NBEAL2: variants seen among roughly 807,000 people sequenced by gnomAD.
The protein encoded by NBEAL2 is neurobeachin-like protein 2.
A neutral mutation model predicts 299.8 loss-of-function variants in NBEAL2; 160 were observed. The observed-to-expected ratio is 0.53, with a 90% CI of 0.47 to 0.61. The LOEUF (loss-of-function observed/expected upper bound fraction) is 0.61. Ranked by LOEUF, NBEAL2 falls within the 20% of genes least tolerant of loss-of-function variation. The pLI, the probability that NBEAL2 is intolerant of heterozygous loss-of-function variation, is 0.00. For synonymous variants in NBEAL2, 1,493 were observed against 1,542.3 expected (o/e 0.97, Z 0.75); for missense variants, 3,112 against 3,649.0 (o/e 0.85, Z 3.79).
chr3:46,998,655 T>G, intron 22 of NBEAL2, 62 bp from the exon 23 acceptor site: 1 of 1,554,378 alleles, frequency 6.4e-7, no homozygotes, highest in Non-Finnish European at 8.7e-7. Context: ...CTGACTCACC[T>G]GCCCACCCTC....
rs1019466579 is a variant in NBEAL2, at chr3:46,989,603, C to T, written c.556+10C>T. 7 of 1,575,094 alleles carry T rather than the reference C, an allele frequency of 4.4e-6. No homozygotes were observed. The highest frequency in any genetic ancestry group is 1.4e-5 in the African/African-American group (1 of 73,822). ...AGCGCCTTCTTCCAAGGTCAGGCCCCGCCCCTGCCCCCACTTGGCTCCACC... is the reference window on the plus strand; with the variant it reads ...AGCGCCTTCTTCCAAGGTCAGGCCCTGCCCCTGCCCCCACTTGGCTCCACC... On this transcript the variant is annotated intron_variant, in intron 6 of 53. Transcript: ENST00000450053. This position sits in a 1 kb window ranked among gnomAD's most constrained non-coding sequence, Gnocchi z 5.5.
At chr3:46,997,131 G>A (rs903882677) in intron 18 of NBEAL2, 85 bp downstream of exon 18, 16 of 1,554,840 alleles carry the variant, frequency 1.0e-5, no homozygotes, top group African/African-American at 4.1e-5. Flanking sequence ...GAGCAGCGCT[G>A]TGCCTGGGGA....
At chr3:46,996,686 G>A (rs1465862451) in intron 16 of NBEAL2, 65 bp from the exon 17 acceptor site, 3 of 1,566,306 alleles carry the variant, frequency 1.9e-6, no homozygotes, top group Non-Finnish European at 2.6e-6. Flanking sequence ...CTGTGGTCAG[G>A]CAGTCTCTGG....
At chr3:46,992,664 T>G in intron 10 of NBEAL2, 109 bp downstream of exon 10, 1 of 1,068,306 alleles carries the variant, frequency 9.4e-7, no homozygotes, top group Non-Finnish European at 1.4e-6. Context: ...CCTGGTGTGG[T>G]CTAGAAATGG....
chr3:46,989,114 G>A lies in NBEAL2; in HGVS notation c.299G>A (p.Gly100Asp), dbSNP rs374522449. ...RNLENIEAGR[G>D]QVLVPRVLAL... is the part of the protein sequence containing the mutation. ...CTGGAGAACATAGAGGCAGGCCGGG[G>A]CCAAGTGCTAGTGCCCCGAGTGCTG... Residue 100 changes from glycine (G) to aspartate (D), a missense_variant, in exon 4 of 54, where the codon GGC becomes GAC. Gly to Asp is a moderately conservative substitution (Grantham distance 94). This residue lies in a region of NBEAL2 where 2,243 missense variants were observed against 2,538.1 expected (regional missense o/e 0.88). Coordinates refer to ENST00000450053, the MANE Select transcript of NBEAL2 (RefSeq NM_015175.3). This position sits in a 1 kb window ranked among gnomAD's most constrained non-coding sequence, Gnocchi z 5.5. The A allele has an allele frequency of 2.7e-5, 43 of 1,613,696 alleles. No homozygotes were observed. The African/African-American group carries it at 4.7e-4, about 18-fold the overall frequency.
chr3:46,988,140 C>A lies in NBEAL2; in HGVS notation c.52-529C>A. 9.4e-7 allele frequency: 1 copy of A among 1,067,620 alleles called. No homozygotes were observed. The highest frequency in any genetic ancestry group is 1.2e-6 in the Non-Finnish European group (1 of 836,138). 66.1% of individuals were successfully genotyped at this position (1,067,620 alleles called of 1,614,324 possible). On this transcript the variant is annotated intron_variant, in intron 1 of 53. Coordinates refer to ENST00000450053, the MANE Select transcript of NBEAL2 (RefSeq NM_015175.3). This position sits in a 1 kb window ranked among gnomAD's most constrained non-coding sequence, Gnocchi z 4.4. ...GCAGGGCCGCACATGAGGATGTGCGCATGTCTGGGTCTGCCTGTCTAATGG... is the reference window on the plus strand; with the variant it reads ...GCAGGGCCGCACATGAGGATGTGCGAATGTCTGGGTCTGCCTGTCTAATGG...
Position 46,989,023 on chromosome 3 carries a change from G to C in NBEAL2, c.269+53G>C. The C allele has an allele frequency of 2.5e-6, 4 of 1,611,836 alleles. No homozygotes were observed. In the East Asian group the frequency reaches 8.9e-5, roughly 36 times the overall value. On this transcript the variant is annotated intron_variant, in intron 3 of 53. Transcript: ENST00000450053. This position sits in a 1 kb window ranked among gnomAD's most constrained non-coding sequence, Gnocchi z 5.5. ...GGGGCCTAGAACTGTGGGCCAGAGG[G>C]AGAGGGGACAAGGAGGGGCATGGTG... is the stretch of plus-strand genomic sequence containing the variant.
At position 47,008,657 on chromosome 3, in the gene NBEAL2, C is replaced by T. The variant is rs1184388077; in HGVS notation, c.8016C>T (p.Leu2672=). ...LGTAQCALHI[L]QLNTLLPAAP... ...CCGCCCAGTGCGCCCTGCACATCCT[C>T]CAACTAAACACGTAAGCCCCCCATT... is the stretch of plus-strand genomic sequence containing the variant. The change falls in exon 52 of 54, where the codon CTC becomes CTT. Residue 2672 remains leucine, a synonymous_variant. Transcript: ENST00000450053. 1.9e-6 allele frequency: 3 copies of T among 1,613,174 alleles called. No individual in the cohort carries two copies. The highest frequency in any genetic ancestry group is 8.5e-7 in the Non-Finnish European group (1 of 1,179,882).
Position 47,004,825 on chromosome 3 carries a change from G to A in NBEAL2, c.6295-147G>A. ...AAGGAATCCTGTTCCAGGACACTCTGTCCTTCTCCCCTGTGACCCCTCTAA... is the reference window on the plus strand; with the variant it reads ...AAGGAATCCTGTTCCAGGACACTCTATCCTTCTCCCCTGTGACCCCTCTAA... On this transcript the variant is annotated intron_variant, in intron 38 of 53. Transcript: ENST00000450053. This position sits in a 1 kb window ranked among gnomAD's most constrained non-coding sequence, Gnocchi z 5.0. The A allele has an allele frequency of 7.9e-7, 1 of 1,258,050 alleles. No homozygotes were observed. Among genetic ancestry groups the A allele is most frequent in the South Asian group, 1.4e-5 (1 of 70,308 alleles). 77.9% of individuals were successfully genotyped at this position (1,258,050 alleles called of 1,614,324 possible).
At chr3:47,002,887 G>T in intron 33 of NBEAL2, 70 bp from the exon 34 acceptor site, 1 of 1,584,348 alleles carries the variant, frequency 6.3e-7, no homozygotes, top group Non-Finnish European at 8.6e-7. Flanking sequence ...CTGCCTTTGG[G>T]GTGAGGCCAG....
At chr3:46,992,341 C>A in intron 9 of NBEAL2, 134 bp from the exon 10 acceptor site, 1 of 829,210 alleles carries the variant, frequency 1.2e-6, no homozygotes, top group Non-Finnish European at 2.0e-6. Flanking sequence ...ACAGGGGGCT[C>A]AGCACCCTAC....
chr3:46,996,373 C>T lies in NBEAL2; in HGVS notation c.2254C>T (p.Pro752Ser). 1 of 1,612,378 alleles carries T rather than the reference C, an allele frequency of 6.2e-7. No homozygotes were observed. ...PVPATLAYTH[P>S]ALTRSQSVPA... Reference sequence around the variant, plus strand: ...CCCCGCCACCCTGGCCTACACTCACCCCGCCCTCACCCGCTCCCAGTCAGT... The same window carrying T: ...CCCCGCCACCCTGGCCTACACTCACTCCGCCCTCACCCGCTCCCAGTCAGT... The change falls in exon 16 of 54, where the codon CCC becomes TCC. Residue 752 changes from proline to serine, a missense_variant. By Grantham distance (74) the Pro-to-Ser change is moderately conservative. Coordinates refer to ENST00000450053, the MANE Select transcript of NBEAL2 (RefSeq NM_015175.3).
chr3:47,005,291 C>G lies in NBEAL2; in HGVS notation c.6530C>G (p.Thr2177Ser). 6.2e-7 allele frequency: 1 copy of G among 1,613,040 alleles called. No homozygotes were observed. Among genetic ancestry groups the G allele is most frequent in the South Asian group, 1.1e-5 (1 of 91,006 alleles). ...MHYLIRVEPF[T>S]SLHVQLQSGR... ...TACCTCATCCGCGTGGAGCCCTTCACCTCCCTGCACGTCCAGCTGCAAAGT... is the reference window on the plus strand; with the variant it reads ...TACCTCATCCGCGTGGAGCCCTTCAGCTCCCTGCACGTCCAGCTGCAAAGT... Residue 2177 changes from threonine to serine, a missense_variant, in exon 40 of 54, where the codon ACC becomes AGC. By Grantham distance (58) the Thr-to-Ser change is moderately conservative. Around this residue, in one of 3 missense-constraint regions of NBEAL2, gnomAD observed 521 missense variants for 729.6 expected, o/e 0.71. Coordinates refer to ENST00000450053, the MANE Select transcript of NBEAL2 (RefSeq NM_015175.3).
Position 46,993,991 on chromosome 3 carries a change from T to A in NBEAL2, c.1168T>A (p.Cys390Ser). 1 of 1,611,908 alleles carries A rather than the reference T, an allele frequency of 6.2e-7. No individual in the cohort carries two copies. The highest frequency in any genetic ancestry group is 8.5e-7 in the Non-Finnish European group (1 of 1,179,286). Reference protein sequence around the residue: ...IAVHVVRVLTCIMSDSPSAKE... With the variant: ...IAVHVVRVLTSIMSDSPSAKE... The stretch of plus-strand genomic sequence containing the variant: ...AGTCCATGTAGTCAGAGTGCTGACC[T>A]GCATCATGAGTGACTCCCCCTCGGC... The change falls in exon 11 of 54, where the codon TGC becomes AGC. Residue 390 changes from cysteine (C) to serine (S), a missense_variant. Cys to Ser is a moderately radical substitution (Grantham distance 112, BLOSUM62 -1). Transcript: ENST00000450053.
rs374744218 is a variant in NBEAL2 at position 47,000,005 on chromosome 3, C to G, written c.3906C>G (p.Pro1302=). ...YVLEAATAGS[P]PPSSPESPTS... is the part of the protein sequence containing the mutation. ...TGGAGGCTGCCACAGCCGGCAGCCCCCCTCCGTCTTCCCCAGAGTCACCTA... is the reference window on the plus strand; with the variant it reads ...TGGAGGCTGCCACAGCCGGCAGCCCGCCTCCGTCTTCCCCAGAGTCACCTA... The change falls in exon 27 of 54, where the codon CCC becomes CCG. Residue 1302 remains proline (P), a synonymous_variant. Transcript: ENST00000450053. The surrounding 1 kb of genome is among the most constrained non-coding windows in gnomAD (Gnocchi z 4.5). 54 of 1,612,406 alleles carry G rather than the reference C, an allele frequency of 3.3e-5. No individual in the cohort carries two copies. The highest frequency in any genetic ancestry group is 4.5e-5 in the Non-Finnish European group (53 of 1,179,846).
Position 47,007,703 on chromosome 3 carries a change from A to G in NBEAL2, c.7507+6A>G, listed in dbSNP as rs74418680. 0.028 allele frequency: 45,492 copies of G among 1,608,668 alleles called. 2,046 individuals are homozygous for G. Among genetic ancestry groups the G allele is most frequent in the Admixed American group, 0.18 (10,900 of 59,064 alleles). On this transcript the variant is annotated splice_donor_region_variant and intron_variant, in intron 48 of 53. Transcript: ENST00000450053. ...CCAGCTCAGCTGCCACCTTGGTATG[A>G]ACAGCCTTGGAGCTGGGGAGAATGA... is the stretch of plus-strand genomic sequence containing the variant.
Position 47,002,633 on chromosome 3 carries a change from C to T in NBEAL2, c.5302-12C>T, listed in dbSNP as rs757602887. On this transcript the variant is annotated splice_polypyrimidine_tract_variant and intron_variant, in intron 32 of 53. Transcript: ENST00000450053. ...CAGCAGCCAGGGGACTGACCTATTACCCCCACCCCAGGAGCTGGTGCTGGA... is the reference window on the plus strand; with the variant it reads ...CAGCAGCCAGGGGACTGACCTATTATCCCCACCCCAGGAGCTGGTGCTGGA... 31 of 1,607,760 alleles carry T rather than the reference C, an allele frequency of 1.9e-5. No homozygotes were observed. The highest frequency in any genetic ancestry group is 2.6e-5 in the Non-Finnish European group (31 of 1,177,980).
At position 47,007,110 on chromosome 3, in the gene NBEAL2, C is replaced by T. The variant is rs1340393289; in HGVS notation, c.7179C>T (p.His2393=). ...CCCTGGTGCTAGCCCTGGTCCCCCACCGGCAGCCCCACTCCTTCATCACCC... is the reference window on the plus strand; with the variant it reads ...CCCTGGTGCTAGCCCTGGTCCCCCATCGGCAGCCCCACTCCTTCATCACCC... ...GVPLVLALVP[H]RQPHSFITQG... The change falls in exon 46 of 54, where the codon CAC becomes CAT. Residue 2393 remains histidine (H), a synonymous_variant. Transcript: ENST00000450053. 7 of 1,613,656 alleles carry T rather than the reference C, an allele frequency of 4.3e-6. No individual in the cohort carries two copies. The South Asian group carries it at 7.7e-5, about 18-fold the overall frequency.
Position 46,998,899 on chromosome 3 carries a change from G to A in NBEAL2, c.3384+20G>A. On this transcript the variant is annotated intron_variant, in intron 23 of 53. Transcript: ENST00000450053. ...GGTCAGGTAGGCTGGAGGTTGGGGA[G>A]CGGGAGGCTTGGGTGAGGGGAGTGG... 3.8e-6 allele frequency: 6 copies of A among 1,596,950 alleles called. No homozygotes were observed. Among genetic ancestry groups the A allele is most frequent in the East Asian group, 4.5e-5 (2 of 44,178 alleles).
Sources: gnomAD v4.1 joint callset for allele counts on GRCh38, gnomAD v4.1.1 for gene constraint, gnomAD v4.1.1 regional missense constraint, Gnocchi (gnomAD v3.1) non-coding constraint, MANE v1.5 for transcripts, NCBI Gene and HGNC (gene_info 2026-07-23, HGNC 2026-07-21) for gene names.